Variants in PTAR1 observed in about 807,000 individuals in gnomAD.
PTAR1 encodes the protein protein prenyltransferase alpha subunit repeat containing 1.
A neutral mutation model predicts 45.5 loss-of-function variants in PTAR1; 17 were observed. That is an observed-to-expected ratio of 0.37 (90% confidence interval 0.26 to 0.56). The LOEUF is 0.56. Among genes scored for constraint, PTAR1 ranks in the 20% least tolerant of loss-of-function variants. The probability of loss-of-function intolerance (pLI) is 0.77; values close to 1 mark genes in which losing one functional copy is unlikely to be tolerated. For missense variants in PTAR1, 391 were observed against 476.3 expected, an observed-to-expected ratio of 0.82 and a Z score of 1.67; for synonymous variants, 169 against 171.3, an observed-to-expected ratio of 0.99 and a Z score of 0.11.
intron 5 of PTAR1, among the ~76,000 whole-genome samples, chr9:69,730,022 T>G (rs147680946): frequency 5.6e-4 from 86 of 152,284 alleles, no homozygotes; most frequent in African/African-American, 1.9e-3. Flanking sequence ...TTTAAGCTGA[T>G]TTAGACTACT....
chr9:69,750,450 T>C (rs2134162765), intron 2 of PTAR1, among the ~76,000 whole-genome samples: 1 of 151,626 alleles, frequency 6.6e-6, no homozygotes, highest in East Asian at 1.9e-4. Flanking sequence ...GGGACTAGAG[T>C]CTTCTTCAGT....
intron 2 of PTAR1, among the ~76,000 whole-genome samples, chr9:69,747,048 T>G (rs1826305177): frequency 6.6e-6 from 1 of 152,254 alleles, no homozygotes; most frequent in Non-Finnish European, 1.5e-5. Flanking sequence ...TAGTACACAG[T>G]CACAGAATCA....
rs2134138377 is a variant in PTAR1 at position 69,741,851 on chromosome 9, T to C, written c.264A>G (p.Ile88Met). Reference protein sequence around the residue: ...RKQWLNRDELIDVTCTLLLLN... With the variant: ...RKQWLNRDELMDVTCTLLLLN... ...GAAGCAGCAGGGTACATGTGACATC[T>C]ATCAATTCTAAAATAAAGAGAAGTC... Residue 88 changes from isoleucine (I) to methionine (M), a missense_variant, in exon 3 of 8, where the codon ATA (isoleucine) becomes ATG (methionine). Around this residue, in one of 5 missense-constraint regions of PTAR1, gnomAD observed 152 missense variants for 160.0 expected, o/e 0.95. Coordinates refer to ENST00000340434, the MANE Select transcript of PTAR1 (RefSeq NM_001099666.2). 1 of 1,587,482 alleles carries C rather than the reference T, an allele frequency of 6.3e-7. No homozygotes were observed. The highest frequency in any genetic ancestry group is 8.6e-7 in the Non-Finnish European group (1 of 1,162,386).
intron 3 of PTAR1, among the ~76,000 whole-genome samples, chr9:69,736,461 G>GC (rs1362609759): frequency 6.6e-6 from 1 of 152,130 alleles, no homozygotes; most frequent in African/African-American, 2.4e-5. Context: ...GGAGGCTGAG[G>GC]CAGGAGAATC....
chr9:69,715,759 T>G lies in PTAR1; in HGVS notation c.*2583A>C, dbSNP rs1824704729. The G allele has an allele frequency of 6.6e-6, 1 of 152,092 alleles. No homozygotes were observed. The highest frequency in any genetic ancestry group is 6.6e-5 in the Admixed American group (1 of 15,254). The allele number at this position is 152,092 out of a possible 1,614,324, so 9.4% of individuals were successfully genotyped here. ...GCTAGCGGGTTTAAATATTAACCAC[T>G]TAGGAAAAAAACCAACCATATAGGG... On this transcript the variant is annotated 3_prime_UTR_variant, in exon 8 of 8. Coordinates refer to ENST00000340434, the MANE Select transcript of PTAR1 (RefSeq NM_001099666.2).
At chr9:69,751,774 C>G (rs1465859616) in intron 1 of PTAR1, among the ~76,000 whole-genome samples, 4 of 151,888 alleles carry the variant, frequency 2.6e-5, no homozygotes, top group African/African-American at 9.7e-5. Flanking sequence ...AAAAAACCAC[C>G]CAAATAAATG....
rs755961957 is a variant in PTAR1, at chr9:69,759,987, C to T, written c.-49G>A. ...GGGCGCGCCTCCGCGTGAGCCGGGC[C>T]GCCGGCGGGAGTTCCGCGGAGAACG... On this transcript the variant is annotated 5_prime_UTR_variant, in exon 1 of 8. Transcript: ENST00000340434. The T allele has an allele frequency of 6.2e-4, 874 of 1,402,596 alleles. 3 individuals are homozygous for T. Among genetic ancestry groups the T allele is most frequent in the Non-Finnish European group, 7.5e-4 (798 of 1,067,308 alleles). The allele number at this position is 1,402,596 out of a possible 1,614,324, so 86.9% of individuals were successfully genotyped here. A position where few individuals can be genotyped will look rare whatever the true frequency, so the allele number is the denominator to read the frequency against.
In PTAR1 at chr9:69,727,759, A is replaced by G. The variant is rs142489940; in HGVS notation, c.643-4129T>C. Among the ~76,000 whole-genome samples, 9 of 152,276 alleles carry G rather than the reference A, an allele frequency of 5.9e-5. No homozygotes were observed. In the East Asian group the frequency reaches 1.7e-3, roughly 29 times the overall value. Reference sequence around the variant, plus strand: ...TTATTAATAAACATGTAAGTATCTAATGGTAGAGTGTTCTTTATTGTTTTT... The same window carrying G: ...TTATTAATAAACATGTAAGTATCTAGTGGTAGAGTGTTCTTTATTGTTTTT... On this transcript the variant is annotated intron_variant, in intron 5 of 7. Coordinates refer to ENST00000340434, the MANE Select transcript of PTAR1 (RefSeq NM_001099666.2).
intron 6 of PTAR1, among the ~76,000 whole-genome samples, chr9:69,723,043 T>C (rs150747564): frequency 6.6e-6 from 1 of 152,192 alleles, no homozygotes; most frequent in East Asian, 1.9e-4. Flanking sequence ...TTCTGTTTTA[T>C]TTTGGAACTA....
chr9:69,730,990 C>T (rs958481591), intron 5 of PTAR1, among the ~76,000 whole-genome samples: 1 of 151,990 alleles, frequency 6.6e-6, no homozygotes, highest in Admixed American at 6.6e-5. Flanking sequence ...ACAATAAAAC[C>T]TTGCTTTCCA....
At chr9:69,756,434 T>C (rs1826780236) in intron 1 of PTAR1, among the ~76,000 whole-genome samples, 1 of 152,212 alleles carries the variant, frequency 6.6e-6, no homozygotes, top group Non-Finnish European at 1.5e-5. Context: ...GTGTGGTTTG[T>C]TCATTAAACC....
intron 5 of PTAR1, among the ~76,000 whole-genome samples, chr9:69,726,486 T>C (rs1010688436): frequency 6.6e-6 from 1 of 152,058 alleles, no homozygotes; most frequent in African/African-American, 2.4e-5. Context: ...TAGGAGAAAT[T>C]TGTAGAAATA....
At chr9:69,750,733 C>A in intron 2 of PTAR1, 48 bp downstream of exon 2, 3 of 1,393,382 alleles carry the variant, frequency 2.2e-6, no homozygotes, top group South Asian at 2.7e-5. Context: ...CTACTATATT[C>A]CATGTCGCTT....
chr9:69,758,708 G>A (rs10735564), intron 1 of PTAR1: 35 of 408,034 alleles, frequency 8.6e-5, no homozygotes, highest in African/African-American at 6.9e-4. Flanking sequence ...TCATCACCTT[G>A]GAGGAAAAGA....
intron 4 of PTAR1, among the ~76,000 whole-genome samples, chr9:69,732,831 A>G (rs1488024122): frequency 6.6e-6 from 1 of 152,232 alleles, no homozygotes; most frequent in Non-Finnish European, 1.5e-5. Context: ...ATTCAGCAAA[A>G]TTCTGTATTA....
chr9:69,732,161 T>C lies in PTAR1; in HGVS notation c.620A>G (p.His207Arg). 2 of 1,612,956 alleles carry C rather than the reference T, an allele frequency of 1.2e-6. No individual in the cohort carries two copies. Among genetic ancestry groups the C allele is most frequent in the South Asian group, 2.2e-5 (2 of 91,032 alleles). ...TACCTTGACATCTAGCTTGGCCAAG[T>C]GCTGTAAAACCCAGATGCGATGGGA... ...AWSHRIWVLQ[H>R]LAKLDVKILL... Residue 207 changes from histidine to arginine, a missense_variant, in exon 5 of 8, where the codon CAC becomes CGC. His to Arg is a conservative substitution (Grantham distance 29). Transcript: ENST00000340434.
intron 5 of PTAR1, among the ~76,000 whole-genome samples, chr9:69,724,218 G>A (rs758868813): frequency 1.3e-5 from 2 of 152,094 alleles, no homozygotes; most frequent in Admixed American, 6.6e-5. Context: ...TCAAGAGCTC[G>A]TGACTTTAAC....
intron 1 of PTAR1, among the ~76,000 whole-genome samples, chr9:69,751,215 C>T (rs940485923): frequency 1.3e-5 from 2 of 152,016 alleles, no homozygotes; most frequent in Admixed American, 6.6e-5. Context: ...TTTGAAGGAA[C>T]ATACCCTTTG....
At chr9:69,749,383 T>C (rs1000454395) in intron 2 of PTAR1, among the ~76,000 whole-genome samples, 5 of 152,140 alleles carry the variant, frequency 3.3e-5, no homozygotes, top group Non-Finnish European at 4.4e-5. Context: ...AATAACTTGA[T>C]GGAGTCATAT....
Sources: allele counts gnomAD v4.1 joint callset (sites outside exome capture counted in the v4.1 genomes callset), GRCh38; gene constraint gnomAD v4.1.1; regional missense constraint gnomAD v4.1.1; transcripts MANE v1.5; gene names NCBI Gene and HGNC (gene_info 2026-07-23, HGNC 2026-07-21).